Variants in KAZN observed in about 807,000 individuals in gnomAD.
The protein encoded by KAZN is kazrin.
Under a neutral mutation model 87.4 loss-of-function variants are expected in KAZN, and 40 were observed. The ratio of observed to expected loss-of-function variants is 0.46; its 90% CI spans 0.36 to 0.60. The LOEUF (loss-of-function observed/expected upper bound fraction) is 0.60. Among genes scored for constraint, KAZN ranks in the 20% least tolerant of loss-of-function variants. The probability of loss-of-function intolerance (pLI) is 0.00; values close to 1 mark genes in which losing one functional copy is unlikely to be tolerated. For synonymous variants in KAZN, 466 were observed against 458.3 expected (o/e 1.02, Z -0.22); for missense variants, 898 against 1,073.9 (o/e 0.84, Z 2.29).
intron 2 of KAZN, among the ~76,000 whole-genome samples, chr1:14,354,307 AAG>A (rs1369068420): frequency 6.6e-6 from 1 of 152,208 alleles, no homozygotes; most frequent in Non-Finnish European, 1.5e-5. Flanking sequence ...GGATGAAAAA[AAG>A]AAATGGACAA....
chr1:14,087,803 A>T (rs564018564), intron 1 of KAZN, among the ~76,000 whole-genome samples: 7 of 152,150 alleles, frequency 4.6e-5, no homozygotes, highest in Admixed American at 1.3e-4. Flanking sequence ...ACATCAACCC[A>T]GCTGGTCATG....
intron 1 of KAZN, among the ~76,000 whole-genome samples, chr1:14,047,738 C>G (rs1642137867): frequency 3.3e-5 from 5 of 151,998 alleles, no homozygotes; most frequent in Admixed American, 3.3e-4. Flanking sequence ...TGTGGTGGCA[C>G]ACACCTGTAA....
chr1:14,477,135 G>T (rs1346831530), intron 2 of KAZN, among the ~76,000 whole-genome samples: 1 of 152,138 alleles, frequency 6.6e-6, no homozygotes, highest in Admixed American at 6.5e-5. Context: ...CTGGTGGGAG[G>T]TCATTAAATT....
chr1:14,946,358 G>C (rs1226402397), intron 1 of KAZN, among the ~76,000 whole-genome samples: 2 of 136,878 alleles, frequency 1.5e-5, no homozygotes, highest in African/African-American at 5.7e-5. Flanking sequence ...TTTTTTTTGA[G>C]ATGGAGTCTC....
At chr1:14,971,360 G>A (rs1261643641) in intron 2 of KAZN, among the ~76,000 whole-genome samples, 1 of 152,100 alleles carries the variant, frequency 6.6e-6, no homozygotes, top group Non-Finnish European at 1.5e-5. Context: ...ATTGCGCCGC[G>A]GCACGCCAGC....
At chr1:14,501,080 A>AAAATAAAT (rs148614828) in intron 2 of KAZN, among the ~76,000 whole-genome samples, 13 of 141,010 alleles carry the variant, frequency 9.2e-5, no homozygotes, top group Admixed American at 2.2e-4. Context: ...GCATCTGCAA[A>AAAATAAAT]AAATAAATAA....
chr1:14,757,793 A>G (rs1644610021), intron 1 of KAZN, among the ~76,000 whole-genome samples: 1 of 152,112 alleles, frequency 6.6e-6, no homozygotes, highest in Non-Finnish European at 1.5e-5. Flanking sequence ...CACCTTCTAC[A>G]TCTTGCGTAT....
At chr1:14,004,419 T>C (rs1453036846) in intron 1 of KAZN, among the ~76,000 whole-genome samples, 2 of 152,206 alleles carry the variant, frequency 1.3e-5, no homozygotes, top group East Asian at 1.9e-4. Flanking sequence ...ATTTACATAG[T>C]ACAAAAATGT....
intron 1 of KAZN, among the ~76,000 whole-genome samples, chr1:14,880,385 C>T (rs188004678): frequency 3.3e-5 from 5 of 152,308 alleles, no homozygotes; most frequent in African/African-American, 1.2e-4. Context: ...TGCACCTCAG[C>T]AGTCTGATTC....
chr1:14,202,162 G>A (rs1198990845), intron 2 of KAZN, among the ~76,000 whole-genome samples: 1 of 152,148 alleles, frequency 6.6e-6, no homozygotes, highest in East Asian at 1.9e-4. Context: ...AACCACACAG[G>A]GTGAGTCCTG....
chr1:14,082,141 A>T (rs552858988), intron 1 of KAZN, among the ~76,000 whole-genome samples: 1 of 152,244 alleles, frequency 6.6e-6, no homozygotes, highest in South Asian at 2.1e-4. Flanking sequence ...TGGTGTGTTC[A>T]TCCCTGAGTG....
chr1:14,997,331 C>T (rs1352571172), intron 2 of KAZN, among the ~76,000 whole-genome samples: 1 of 150,598 alleles, frequency 6.6e-6, no homozygotes, highest in East Asian at 1.9e-4. Context: ...ACCTCCACCT[C>T]CCGGGTTCGA....
intron 1 of KAZN, among the ~76,000 whole-genome samples, chr1:14,742,771 T>C (rs1187990060): frequency 6.6e-6 from 1 of 152,128 alleles, no homozygotes; most frequent in Admixed American, 6.5e-5. Flanking sequence ...TCAAAACCCA[T>C]TTGCTGAGCC....
intron 1 of KAZN, among the ~76,000 whole-genome samples, chr1:14,660,617 C>A (rs1290986525): frequency 6.8e-6 from 1 of 147,592 alleles, no homozygotes; most frequent in Non-Finnish European, 1.5e-5. Flanking sequence ...GATTCAAACC[C>A]AGGTCTGCCG....
chr1:14,693,137 G>A (rs1641414880), intron 1 of KAZN, among the ~76,000 whole-genome samples: 1 of 152,148 alleles, frequency 6.6e-6, no homozygotes, highest in African/African-American at 2.4e-5. Flanking sequence ...ATTATGTCTC[G>A]CCTTCTTCAG....
At chr1:14,490,472 T>G (rs185390743) in intron 2 of KAZN, among the ~76,000 whole-genome samples, 6 of 152,266 alleles carry the variant, frequency 3.9e-5, no homozygotes, top group Admixed American at 2.0e-4. Flanking sequence ...TGGTTGTTTT[T>G]TTTGTTTGTT....
intron 2 of KAZN, among the ~76,000 whole-genome samples, chr1:14,220,000 T>C (rs1647057545): frequency 6.6e-6 from 1 of 152,204 alleles, no homozygotes; most frequent in Non-Finnish European, 1.5e-5. Context: ...TTGTTGAGTA[T>C]TGCCTTCTAG....
intron 2 of KAZN, among the ~76,000 whole-genome samples, chr1:14,311,924 T>C (rs1655334056): frequency 6.6e-6 from 1 of 152,048 alleles, no homozygotes; most frequent in Admixed American, 6.6e-5. Context: ...TTCAGGAAAG[T>C]AAATGCCTAG....
intron 2 of KAZN, chr1:14,348,962 T>C (rs1658316752): frequency 6.6e-6 from 1 of 152,278 alleles, no homozygotes; most frequent in Non-Finnish European, 1.5e-5. Flanking sequence ...TTATGCGGAA[T>C]GGCTTTTATT....
Sources: gnomAD v4.1 joint callset for allele counts (sites outside exome capture counted in the v4.1 genomes callset) on GRCh38, gnomAD v4.1.1 for gene constraint, MANE v1.5 for transcripts, NCBI Gene and HGNC (gene_info 2026-07-23, HGNC 2026-07-21) for gene names.